Variants in JAKMIP2 observed in about 807,000 individuals in gnomAD.
JAKMIP2 encodes the protein janus kinase and microtubule-interacting protein 2.
JAKMIP2 carries 25 observed loss-of-function variants against 115.0 expected under a neutral mutation model. The observed-to-expected ratio is 0.22, with a 90% CI of 0.16 to 0.30. JAKMIP2 has a LOEUF of 0.30. JAKMIP2 is among the 10% of genes least tolerant of loss of function. The probability of loss-of-function intolerance (pLI) is 1.00; values close to 1 mark genes in which losing one functional copy is unlikely to be tolerated. For missense variants in JAKMIP2, 642 were observed against 957.6 expected (o/e 0.67, Z 4.35); for synonymous variants, 334 against 343.6 (o/e 0.97, Z 0.31).
rs1561834315 is a variant in JAKMIP2, at chr5:147,591,527, A to G, written c.*180T>C. 2 of 725,398 alleles carry G rather than the reference A, an allele frequency of 2.8e-6. No individual in the cohort carries two copies. Among genetic ancestry groups the G allele is most frequent in the Non-Finnish European group, 4.8e-6 (2 of 412,386 alleles). 44.9% of individuals were successfully genotyped at this position (725,398 alleles called of 1,614,324 possible). A position where few individuals can be genotyped will look rare whatever the true frequency, so the allele number is the denominator to read the frequency against. On this transcript the variant is annotated 3_prime_UTR_variant, in exon 22 of 22. Coordinates refer to ENST00000616793, the MANE Select transcript of JAKMIP2 (RefSeq NM_001270941.2). ...AGGGTTGTGTAGGAACTGTCAAGTAAGAAACCTTGAATAATGGCTTTAAAA... is the reference window on the plus strand; with the variant it reads ...AGGGTTGTGTAGGAACTGTCAAGTAGGAAACCTTGAATAATGGCTTTAAAA...
chr5:147,782,341 C>T, intron 1 of JAKMIP2, 115 bp downstream of exon 1: 1 of 1,029,338 alleles, frequency 9.7e-7, no homozygotes, highest in Admixed American at 2.0e-5. Flanking sequence ...CTCCACATCT[C>T]CCCCTTCTAG....
At chr5:147,742,155 A>ATATATATATATATATATATATATAT in intron 1 of JAKMIP2, among the ~76,000 whole-genome samples, 5 of 108,902 alleles carry the variant, frequency 4.6e-5, no homozygotes, top group East Asian at 3.3e-4. Context: ...ATATATATAT[A>ATATATATATATATATATATATATAT]TTTTTTTTAC....
At position 147,659,169 on chromosome 5, in the gene JAKMIP2, G is replaced by T. The variant is rs557828047; in HGVS notation, c.627+1779C>A. Among the ~76,000 whole-genome samples, 28 of 152,184 alleles carry T rather than the reference G, an allele frequency of 1.8e-4. No individual in the cohort carries two copies. The East Asian group carries it at 5.2e-3, about 28-fold the overall frequency. Reference sequence around the variant, plus strand: ...ATTTGTGCTTGAAACCCAGGGCCCTGGTGGTGTAGGCTCATGAGGGAATGT... The same window carrying T: ...ATTTGTGCTTGAAACCCAGGGCCCTTGTGGTGTAGGCTCATGAGGGAATGT... On this transcript the variant is annotated intron_variant, in intron 3 of 21. Coordinates refer to ENST00000616793, the MANE Select transcript of JAKMIP2 (RefSeq NM_001270941.2).
At chr5:147,698,627 T>C (rs1429705498) in intron 1 of JAKMIP2, among the ~76,000 whole-genome samples, 3 of 152,164 alleles carry the variant, frequency 2.0e-5, no homozygotes, top group African/African-American at 7.2e-5. Flanking sequence ...TCACAAGATC[T>C]GATGGTCTTA....
At chr5:147,736,713 CAT>C (rs1753938126) in intron 1 of JAKMIP2, among the ~76,000 whole-genome samples, 1 of 151,932 alleles carries the variant, frequency 6.6e-6, no homozygotes, top group Non-Finnish European at 1.5e-5. Flanking sequence ...TTGGTTTCAA[CAT>C]ATAAATATTG....
intron 1 of JAKMIP2, among the ~76,000 whole-genome samples, chr5:147,775,969 G>A (rs935349348): frequency 2.0e-5 from 3 of 151,922 alleles, no homozygotes; most frequent in Non-Finnish European, 4.4e-5. Flanking sequence ...TATTATGAAG[G>A]AAACACACAG....
intron 1 of JAKMIP2, among the ~76,000 whole-genome samples, chr5:147,736,194 A>C (rs1412200295): frequency 6.6e-6 from 1 of 152,022 alleles, no homozygotes; most frequent in Non-Finnish European, 1.5e-5. Context: ...AGTGGCTCAC[A>C]CCTGTAATCC....
chr5:147,720,255 G>A (rs532997991), intron 1 of JAKMIP2, among the ~76,000 whole-genome samples: 59 of 152,110 alleles, frequency 3.9e-4, no homozygotes, highest in African/African-American at 8.0e-4. Flanking sequence ...AGGGTAACCC[G>A]ACCTTTCTCT....
At chr5:147,711,987 T>C (rs1475037144) in intron 1 of JAKMIP2, among the ~76,000 whole-genome samples, 5 of 152,232 alleles carry the variant, frequency 3.3e-5, no homozygotes. Flanking sequence ...TAAAGATATC[T>C]TTATCAATTA....
intron 1 of JAKMIP2, among the ~76,000 whole-genome samples, chr5:147,767,817 A>G (rs1289858224): frequency 1.3e-5 from 2 of 152,162 alleles, no homozygotes; most frequent in East Asian, 1.9e-4. Context: ...GTAGGATTTA[A>G]TAGTCATTTC....
rs1755713775 is a variant in JAKMIP2 at position 147,601,800 on chromosome 5, T to C, written c.2424A>G (p.Leu808=). The C allele has an allele frequency of 7.1e-7, 1 of 1,405,172 alleles. No individual in the cohort carries two copies. The highest frequency in any genetic ancestry group is 9.8e-7 in the Non-Finnish European group (1 of 1,021,346). The allele number at this position is 1,405,172 out of a possible 1,614,324, so 87.0% of individuals were successfully genotyped here. The part of the protein sequence containing the change: ...IKDLEEKFLF[L]FLFFSLAFIL... ...TAAAGGCAAGAGAGAAGAACAAGAATAGAAACAGAAACTGCAGAAGAAAAA... is the reference window on the plus strand; with the variant it reads ...TAAAGGCAAGAGAGAAGAACAAGAACAGAAACAGAAACTGCAGAAGAAAAA... The change falls in exon 21 of 22, where the codon CTA becomes CTG. Residue 808 remains leucine (L), a synonymous_variant. Transcript: ENST00000616793.
chr5:147,673,400 C>A (rs571727093), intron 1 of JAKMIP2, among the ~76,000 whole-genome samples: 29 of 152,282 alleles, frequency 1.9e-4, no homozygotes, highest in African/African-American at 7.0e-4. Context: ...TATGTTCCGG[C>A]AGCTGCTGCT....
intron 1 of JAKMIP2, among the ~76,000 whole-genome samples, chr5:147,759,339 C>G (rs976112313): frequency 6.6e-6 from 1 of 151,978 alleles, no homozygotes; most frequent in Admixed American, 6.6e-5. Context: ...CATATCAATT[C>G]GACTAATTAT....
At position 147,673,820 on chromosome 5, in the gene JAKMIP2, C is replaced by CAT. The variant is rs35379141; in HGVS notation, c.-148-1868_-148-1867dup. 2.7e-3 allele frequency among the ~76,000 whole-genome samples: 399 copies of CAT among 150,278 alleles called. 1 individual carries two copies. Among genetic ancestry groups the CAT allele is most frequent in the Middle Eastern group, 6.9e-3 (2 of 290 alleles). ...AGTAGGTAGTGAGTGAGTAAATTCA[C>CAT]ATATATATATATATATCTATCTAAC... On this transcript the variant is annotated intron_variant, in intron 1 of 21. Transcript: ENST00000616793.
intron 2 of JAKMIP2, among the ~76,000 whole-genome samples, chr5:147,665,017 A>G (rs1204865238): frequency 6.6e-6 from 1 of 152,104 alleles, no homozygotes; most frequent in Non-Finnish European, 1.5e-5. Context: ...ATAAGAATTC[A>G]CTTCCCTCTG....
Position 147,742,155 on chromosome 5 carries a change from A to ATATTT in JAKMIP2, c.-149+40300_-149+40301insAAATA. On this transcript the variant is annotated intron_variant, in intron 1 of 21. Transcript: ENST00000616793. ...TGTGGATCATTATATATATATATAT[A>ATATTT]TTTTTTTTACTATTGTATTGTATCT... Among the ~76,000 whole-genome samples, 3 of 108,910 alleles carry ATATTT rather than the reference A, an allele frequency of 2.8e-5. No homozygotes were observed. The South Asian group carries it at 9.3e-4, about 34-fold the overall frequency. 71.4% of individuals were successfully genotyped at this position (108,910 alleles called of 152,430 possible). A position where few individuals can be genotyped will look rare whatever the true frequency, so the allele number is the denominator to read the frequency against.
intron 18 of JAKMIP2, 82 bp from the exon 19 acceptor site, chr5:147,618,196 G>A (rs1342707753): frequency 2.0e-6 from 2 of 994,590 alleles, no homozygotes; most frequent in African/African-American, 1.6e-5. Flanking sequence ...GTATGTATAT[G>A]TATATGGCTG....
intron 1 of JAKMIP2, among the ~76,000 whole-genome samples, chr5:147,776,298 C>G (rs1336157175): frequency 1.3e-5 from 2 of 152,080 alleles, no homozygotes; most frequent in African/African-American, 4.8e-5. Flanking sequence ...TTGGGGGTGG[C>G]TTTCCCCATT....
At chr5:147,719,522 C>A (rs1753170234) in intron 1 of JAKMIP2, among the ~76,000 whole-genome samples, 3 of 151,884 alleles carry the variant, frequency 2.0e-5, no homozygotes, top group African/African-American at 7.3e-5. Context: ...CTTTATGAAT[C>A]TTGGTGCTCC....
Sources: gnomAD v4.1 joint callset for allele counts (sites outside exome capture counted in the v4.1 genomes callset) on GRCh38, gnomAD v4.1.1 for gene constraint, MANE v1.5 for transcripts, NCBI Gene and HGNC (gene_info 2026-07-23, HGNC 2026-07-21) for gene names.